The following HDAC4 variants were observed in gnomAD, a reference collection of about 807,000 sequenced individuals.
HDAC4 encodes histone deacetylase 4, also known as histone deacetylase A.
In HDAC4, 16 loss-of-function variants were observed where a neutral mutation model predicts 135.1. That is an observed-to-expected ratio of 0.12 (90% confidence interval 0.08 to 0.18). The LOEUF is 0.18. Ranked by LOEUF, HDAC4 falls within the 10% of genes least tolerant of loss-of-function variation. The probability of loss-of-function intolerance (pLI) is 1.00; values close to 1 mark genes in which losing one functional copy is unlikely to be tolerated. For synonymous variants in HDAC4, 685 were observed against 653.4 expected (o/e 1.05, Z -0.74); for missense variants, 1,143 against 1,511.8 (o/e 0.76, Z 4.05).
chr2:239,119,644 G>A (rs12468101), intron 12 of HDAC4, among the ~76,000 whole-genome samples: 12,531 of 152,054 alleles, frequency 0.082, 798 homozygotes, highest in Admixed American at 0.22. Flanking sequence ...TGAGGGTGCG[G>A]GGACCAGACC....
intron 5 of HDAC4, among the ~76,000 whole-genome samples, chr2:239,172,524 T>A (rs1376642048): frequency 6.6e-6 from 1 of 151,946 alleles, no homozygotes; most frequent in Non-Finnish European, 1.5e-5. Flanking sequence ...TAGAGGAAAA[T>A]GTATAGCTAT....
intron 12 of HDAC4, among the ~76,000 whole-genome samples, chr2:239,123,298 G>A: frequency 6.6e-6 from 1 of 152,226 alleles, no homozygotes; most frequent in East Asian, 1.9e-4. Flanking sequence ...CACAGCCTGT[G>A]CCCTTCCCGT....
intron 3 of HDAC4, among the ~76,000 whole-genome samples, chr2:239,222,602 A>T (rs1457667427): frequency 2.0e-5 from 3 of 151,822 alleles, no homozygotes; most frequent in Non-Finnish European, 4.4e-5. Flanking sequence ...GCCATGAAAG[A>T]CAAGCATGAC....
chr2:239,096,599 A>C (rs1300027739), intron 16 of HDAC4, among the ~76,000 whole-genome samples: 1 of 18,922 alleles, frequency 5.3e-5, no homozygotes, highest in Non-Finnish European at 1.0e-4. Context: ...ACCCCCCACG[A>C]ACACCTGCAC....
rs767592280 is a variant in HDAC4 at position 239,087,519 on chromosome 2, C to T, written c.2444+40G>A. 69 of 1,600,498 alleles carry T rather than the reference C, an allele frequency of 4.3e-5. No homozygotes were observed. The East Asian group carries it at 1.5e-3, about 35-fold the overall frequency. ...CAGCCCTAAGGGAGGGAAGGAAGAC[C>T]TGGGTTCCCCTGCTGTGCGGGGCTG... On this transcript the variant is annotated intron_variant, in intron 19 of 26. Coordinates refer to ENST00000543185, the MANE Select transcript of HDAC4 (RefSeq NM_001378414.1).
At chr2:239,111,770 A>C in intron 13 of HDAC4, 58 bp from the exon 14 acceptor site, 1 of 1,466,366 alleles carries the variant, frequency 6.8e-7, no homozygotes, top group Non-Finnish European at 9.3e-7. Flanking sequence ...CCTGGGCTGC[A>C]GGGCTAGGGG....
intron 12 of HDAC4, among the ~76,000 whole-genome samples, chr2:239,125,994 T>C (rs190793617): frequency 4.6e-5 from 7 of 152,370 alleles, no homozygotes; most frequent in Admixed American, 3.3e-4. Context: ...AAGTGCCGGA[T>C]GGCCTGGGAG....
At chr2:239,304,357 C>T (rs2125648302) in intron 2 of HDAC4, among the ~76,000 whole-genome samples, 1 of 152,242 alleles carries the variant, frequency 6.6e-6, no homozygotes, top group African/African-American at 2.4e-5. Flanking sequence ...CGTGTAAACA[C>T]CAGGCACATA....
intron 22 of HDAC4, among the ~76,000 whole-genome samples, chr2:239,076,655 TGCTTGAGTTTCTG>T (rs1370218118): frequency 6.6e-6 from 1 of 152,154 alleles, no homozygotes; most frequent in Non-Finnish European, 1.5e-5. Context: ...TGGCACGCCA[TGCTTGAGTTTCTG>T]GCTGCCGTTC....
Position 239,226,314 on chromosome 2 carries a change from A to G in HDAC4, c.94+10279T>C, listed in dbSNP as rs187914450. Among the ~76,000 whole-genome samples the G allele has an allele frequency of 4.9e-3, 749 of 152,286 alleles. 2 individuals are homozygous for G. The highest frequency in any genetic ancestry group is 0.017 in the African/African-American group (696 of 41,562). ...AAAAAAAAATCCTTTCTTCCAACCAATCATCACTTAGAACTGTGGAATCCT... is the reference window on the plus strand; with the variant it reads ...AAAAAAAAATCCTTTCTTCCAACCAGTCATCACTTAGAACTGTGGAATCCT... On this transcript the variant is annotated intron_variant, in intron 3 of 26. Coordinates refer to ENST00000543185, the MANE Select transcript of HDAC4 (RefSeq NM_001378414.1).
intron 16 of HDAC4, among the ~76,000 whole-genome samples, chr2:239,101,369 C>T (rs1248108302): frequency 1.3e-5 from 2 of 152,328 alleles, no homozygotes; most frequent in Non-Finnish European, 2.9e-5. Flanking sequence ...TGGATGAAGG[C>T]GTGAGCGAGT....
At chr2:239,326,175 G>A (rs180793361) in intron 2 of HDAC4, among the ~76,000 whole-genome samples, 472 of 152,196 alleles carry the variant, frequency 3.1e-3, no homozygotes, top group Non-Finnish European at 5.6e-3. Context: ...ACAATGGACT[G>A]CTCATCCTTA....
At chr2:239,081,576 C>T (rs1439468500) in intron 21 of HDAC4, among the ~76,000 whole-genome samples, 2 of 152,226 alleles carry the variant, frequency 1.3e-5, no homozygotes, top group Non-Finnish European at 2.9e-5. Context: ...TTCCTACTTC[C>T]TCTAAAAAAA....
intron 2 of HDAC4, among the ~76,000 whole-genome samples, chr2:239,348,007 G>A (rs1342698418): frequency 1.4e-5 from 2 of 140,492 alleles, no homozygotes; most frequent in Non-Finnish European, 3.0e-5. Flanking sequence ...GCATCATCCC[G>A]GTGACCACAG....
At position 239,182,674 on chromosome 2, in the gene HDAC4, G is replaced by T. The variant is rs78530559; in HGVS notation, c.340-6111C>A. ...ATCTGTAGAGCAAAGCCTGCAAAGT[G>T]AAAGCCATCAGGACAAACTGGATTT... On this transcript the variant is annotated intron_variant, in intron 4 of 26. Transcript: ENST00000543185. Among the ~76,000 whole-genome samples the T allele has an allele frequency of 7.2e-3, 1,090 of 152,282 alleles. 10 individuals carry two copies. The highest frequency in any genetic ancestry group is 0.011 in the Non-Finnish European group (726 of 68,028).
intron 17 of HDAC4, among the ~76,000 whole-genome samples, chr2:239,092,970 C>T (rs942436572): frequency 3.6e-4 from 55 of 152,088 alleles, no homozygotes; most frequent in Non-Finnish European, 7.5e-4. Flanking sequence ...AAGCTTCCCA[C>T]GGATAATCCC....
At chr2:239,357,345 G>A (rs1278959287) in intron 1 of HDAC4, among the ~76,000 whole-genome samples, 2 of 151,850 alleles carry the variant, frequency 1.3e-5, no homozygotes, top group Non-Finnish European at 2.9e-5. Flanking sequence ...CAGTGCTTAG[G>A]AGGAAACATA....
Position 239,140,679 on chromosome 2 carries a change from C to T in HDAC4, c.866-883G>A, listed in dbSNP as rs560660032. ...CAACGACTCTGGGTGCTCAGAACCT[C>T]GCCCCAACCTATATGCGCAGCGCAT... On this transcript the variant is annotated intron_variant, in intron 8 of 26. Transcript: ENST00000543185. 8.5e-5 allele frequency among the ~76,000 whole-genome samples: 13 copies of T among 152,348 alleles called. 1 individual carries two copies. In the South Asian group the frequency reaches 2.1e-3, roughly 24 times the overall value.
Position 239,163,915 on chromosome 2 carries a change from C to T in HDAC4, c.499G>A (p.Ala167Thr). The change falls in exon 6 of 27, where the codon GCC becomes ACC. Residue 167 changes from alanine to threonine, a missense_variant. Around this residue, in one of 9 missense-constraint regions of HDAC4, gnomAD observed 247 missense variants for 310.0 expected, o/e 0.80. Transcript: ENST00000543185. ...AACTTCATCTTCACTTCTGTGCTGG[C>T]CACGGCACCTGGCGTGGGAGAAAGC... ...NKEKGKESAV[A>T]STEVKMKLQE... 6.2e-7 allele frequency: 1 copy of T among 1,614,068 alleles called. No homozygotes were observed. The highest frequency in any genetic ancestry group is 1.1e-5 in the South Asian group (1 of 91,088).
Sources: allele counts gnomAD v4.1 joint callset (sites outside exome capture counted in the v4.1 genomes callset), GRCh38; gene constraint gnomAD v4.1.1; regional missense constraint gnomAD v4.1.1; transcripts MANE v1.5; gene names NCBI Gene and HGNC (gene_info 2026-07-23, HGNC 2026-07-21).